LIMD1: variants seen among roughly 807,000 people sequenced by gnomAD.
The protein encoded by LIMD1 is LIM domain containing 1.
A neutral mutation model predicts 58.4 loss-of-function variants in LIMD1; 23 were observed. The observed-to-expected ratio is 0.39, with a 90% CI of 0.28 to 0.56. The LOEUF (loss-of-function observed/expected upper bound fraction) is 0.56, where lower values mean the gene tolerates loss of function less well. Ranked by LOEUF, LIMD1 falls within the 20% of genes least tolerant of loss-of-function variation. The pLI, the probability that LIMD1 is intolerant of heterozygous loss-of-function variation, is 0.57. For missense variants in LIMD1, 838 were observed against 855.5 expected, an observed-to-expected ratio of 0.98 and a Z score of 0.25; for synonymous variants, 334 against 345.5, an observed-to-expected ratio of 0.97 and a Z score of 0.37.
At position 45,595,880 on chromosome 3, in the gene LIMD1, A is replaced by G. The variant is rs768474598; in HGVS notation, c.1001A>G (p.Gln334Arg). The change falls in exon 1 of 8, where the codon CAA becomes CGA. Residue 334 changes from glutamine to arginine, a missense_variant. Physicochemically the swap from Gln to Arg is conservative, Grantham distance 43. Around this residue, in one of 3 missense-constraint regions of LIMD1, gnomAD observed 659 missense variants for 639.8 expected, o/e 1.03. Transcript: ENST00000273317. ...ATGTCCAAACCCAATGTGGACCCCC[A>G]ACCCTGGTTCCAGGATGGGCCCAAA... ...GVMSKPNVDP[Q>R]PWFQDGPKSY... 2.3e-5 allele frequency: 37 copies of G among 1,614,060 alleles called. No homozygotes were observed. Among genetic ancestry groups the G allele is most frequent in the Non-Finnish European group, 2.6e-5 (31 of 1,180,018 alleles).
At chr3:45,651,866 A>G (rs1701977368) in intron 2 of LIMD1, among the ~76,000 whole-genome samples, 1 of 151,998 alleles carries the variant, frequency 6.6e-6, no homozygotes, top group Admixed American at 6.6e-5. Flanking sequence ...TCCTGACCTC[A>G]GGTGATCCAC....
intron 2 of LIMD1, among the ~76,000 whole-genome samples, chr3:45,649,029 G>A (rs1417245561): frequency 6.6e-6 from 1 of 152,134 alleles, no homozygotes; most frequent in Non-Finnish European, 1.5e-5. Context: ...ACAGCACAAA[G>A]GCTTTAAATT....
intron 2 of LIMD1, among the ~76,000 whole-genome samples, chr3:45,654,709 G>T (rs13087976): frequency 0.086 from 12,886 of 150,010 alleles, 623 homozygotes; most frequent in East Asian, 0.15. Context: ...TGGCATCCAC[G>T]TGTGTTCCCA....
In LIMD1 at chr3:45,679,773, G is replaced by A. The variant is rs987444845; in HGVS notation, c.*2714G>A. The A allele has an allele frequency of 1.3e-5, 2 of 152,120 alleles. No individual in the cohort carries two copies. The allele number at this position is 152,120 out of a possible 1,614,324, so 9.4% of individuals were successfully genotyped here. ...AAACTGCCTGGGTGGTTTGAGAAGA[G>A]ACAACCCAGTTTGATCTGCAATACA... On this transcript the variant is annotated 3_prime_UTR_variant, in exon 8 of 8. Transcript: ENST00000273317.
At chr3:45,649,713 TA>T (rs1701944841) in intron 2 of LIMD1, among the ~76,000 whole-genome samples, 1 of 138,656 alleles carries the variant, frequency 7.2e-6, no homozygotes, top group Non-Finnish European at 1.6e-5. Context: ...TGTATACATA[TA>T]TATATATAAA....
intron 3 of LIMD1, among the ~76,000 whole-genome samples, chr3:45,666,014 C>G (rs1262182747): frequency 6.6e-6 from 1 of 152,182 alleles, no homozygotes; most frequent in East Asian, 1.9e-4. Flanking sequence ...GACCTGGGCT[C>G]TCTTCTTCTC....
chr3:45,642,069 T>C (rs950822495), intron 2 of LIMD1, among the ~76,000 whole-genome samples: 1 of 152,198 alleles, frequency 6.6e-6, no homozygotes, highest in South Asian at 2.1e-4. Flanking sequence ...CATGGCTATG[T>C]GCAGTTCTCC....
intron 1 of LIMD1, among the ~76,000 whole-genome samples, chr3:45,630,229 G>A (rs1398738986): frequency 2.6e-5 from 4 of 152,218 alleles, no homozygotes; most frequent in Admixed American, 6.5e-5. Context: ...GGGAGGCTAA[G>A]AGCCTACTCT....
At chr3:45,618,323 G>T (rs1389068717) in intron 1 of LIMD1, among the ~76,000 whole-genome samples, 1 of 152,146 alleles carries the variant, frequency 6.6e-6, no homozygotes, top group Non-Finnish European at 1.5e-5. Context: ...TGTGAGCTTG[G>T]CACCTGCTCA....
At position 45,678,137 on chromosome 3, in the gene LIMD1, T is replaced by C. The variant is rs1232544463; in HGVS notation, c.*1078T>C. On this transcript the variant is annotated 3_prime_UTR_variant, in exon 8 of 8. Transcript: ENST00000273317. Reference sequence around the variant, plus strand: ...TGCCCAATTCTTGGCACAGGCATTATGTTTGAAGAAACCAGGATAAGGTAC... The same window carrying C: ...TGCCCAATTCTTGGCACAGGCATTACGTTTGAAGAAACCAGGATAAGGTAC... The C allele has an allele frequency of 6.6e-6, 1 of 152,666 alleles. No individual in the cohort carries two copies. 9.5% of individuals were successfully genotyped at this position (152,666 alleles called of 1,614,324 possible). A position where few individuals can be genotyped will look rare whatever the true frequency, so the allele number is the denominator to read the frequency against.
At position 45,623,193 on chromosome 3, in the gene LIMD1, A is replaced by T. The variant is rs78313578; in HGVS notation, c.1409-12957A>T. On this transcript the variant is annotated intron_variant, in intron 1 of 7. Coordinates refer to ENST00000273317, the MANE Select transcript of LIMD1 (RefSeq NM_014240.3). ...TTTTGAATGCTGCTTGGCCATTCCT[A>T]TTTCGTATTAGAGTTGAGAAAGCTC... 7.3e-3 allele frequency among the ~76,000 whole-genome samples: 1,108 copies of T among 152,180 alleles called. 45 individuals are homozygous for T. In the East Asian group the frequency reaches 0.098, roughly 14 times the overall value.
intron 3 of LIMD1, among the ~76,000 whole-genome samples, 159 bp from the exon 4 acceptor site, chr3:45,668,135 T>C (rs1290120223): frequency 6.6e-6 from 1 of 152,262 alleles, no homozygotes; most frequent in Non-Finnish European, 1.5e-5. Flanking sequence ...GAATATTCTA[T>C]GACTCAGCCC....
chr3:45,627,406 A>G (rs1363539045), intron 1 of LIMD1, among the ~76,000 whole-genome samples: 1 of 152,206 alleles, frequency 6.6e-6, no homozygotes, highest in Non-Finnish European at 1.5e-5. Flanking sequence ...TTCTTCATGT[A>G]TAAAGTGATG....
chr3:45,645,779 C>T (rs1202256353), intron 2 of LIMD1, among the ~76,000 whole-genome samples: 1 of 152,132 alleles, frequency 6.6e-6, no homozygotes, highest in African/African-American at 2.4e-5. Context: ...ATGTGTCTCT[C>T]AGCTCTTCTC....
rs557825345 is a variant in LIMD1 at position 45,666,175 on chromosome 3, C to T, written c.1578+458C>T. 3.1e-4 allele frequency among the ~76,000 whole-genome samples: 47 copies of T among 152,318 alleles called. 1 individual carries two copies. The highest frequency in any genetic ancestry group is 1.1e-3 in the African/African-American group (45 of 41,570). The stretch of plus-strand genomic sequence containing the variant: ...CCCTGGGCTGTGTCCCAACCCCTCA[C>T]GTACCAGCCCCTCACCATATTTCTG... On this transcript the variant is annotated intron_variant, in intron 3 of 7. Transcript: ENST00000273317.
chr3:45,600,758 C>T (rs1701404828), intron 1 of LIMD1, among the ~76,000 whole-genome samples: 1 of 152,160 alleles, frequency 6.6e-6, no homozygotes, highest in Non-Finnish European at 1.5e-5. Flanking sequence ...GTCCTCTTCT[C>T]CCTTTCTAAG....
In LIMD1 at chr3:45,600,781, A is replaced by C. The variant is rs560459313; in HGVS notation, c.1408+4494A>C. 1.4e-4 allele frequency among the ~76,000 whole-genome samples: 22 copies of C among 152,298 alleles called. No individual in the cohort carries two copies. In the East Asian group the frequency reaches 4.0e-3, roughly 28 times the overall value. The stretch of plus-strand genomic sequence containing the variant: ...CTCCCTTTCTAAGGAAAAAGGACAC[A>C]AGCCGGGTGTGGTGGCTCACACCTG... On this transcript the variant is annotated intron_variant, in intron 1 of 7. Transcript: ENST00000273317.
At position 45,654,143 on chromosome 3, in the gene LIMD1, A is replaced by G. The variant is rs555817737; in HGVS notation, c.1511-11507A>G. Among the ~76,000 whole-genome samples the G allele has an allele frequency of 5.3e-5, 8 of 152,304 alleles. No individual in the cohort carries two copies. The South Asian group carries it at 1.7e-3, about 32-fold the overall frequency. On this transcript the variant is annotated intron_variant, in intron 2 of 7. Transcript: ENST00000273317. ...AAATAACCACATGTGGCTAGTAGCC[A>G]CCATGGACAGTACAGGTAGAAGTCA... is the stretch of plus-strand genomic sequence containing the variant.
chr3:45,626,216 A>G (rs1164790772), intron 1 of LIMD1, among the ~76,000 whole-genome samples: 2 of 152,260 alleles, frequency 1.3e-5, no homozygotes, highest in African/African-American at 2.4e-5. Context: ...TTCTTGTTGT[A>G]TAATCCAGCA....
Sources: gnomAD v4.1 joint callset for allele counts (sites outside exome capture counted in the v4.1 genomes callset) on GRCh38, gnomAD v4.1.1 for gene constraint, gnomAD v4.1.1 regional missense constraint, MANE v1.5 for transcripts, NCBI Gene and HGNC (gene_info 2026-07-23, HGNC 2026-07-21) for gene names.